Variants in CACNA1C observed in about 807,000 individuals in gnomAD.
CACNA1C encodes the protein voltage-dependent L-type calcium channel subunit alpha-1C.
Under a neutral mutation model 229.0 loss-of-function variants are expected in CACNA1C, and 30 were observed. The ratio of observed to expected loss-of-function variants is 0.13; its 90% CI spans 0.10 to 0.18. CACNA1C has a LOEUF of 0.18. Ranked by LOEUF, CACNA1C falls within the 10% of genes least tolerant of loss-of-function variation. The pLI, the probability that CACNA1C is intolerant of heterozygous loss-of-function variation, is 1.00. For missense variants in CACNA1C, 1,658 were observed against 2,845.0 expected (o/e 0.58, Z 9.49); for synonymous variants, 1,114 against 1,132.5 (o/e 0.98, Z 0.33).
Position 2,665,806 on chromosome 12 carries a change from A to G in CACNA1C, c.4526+98A>G, listed in dbSNP as rs2096059410. On this transcript the variant is annotated intron_variant, in intron 36 of 46. Coordinates refer to ENST00000399655, the MANE Select transcript of CACNA1C (RefSeq NM_000719.7). The surrounding 1 kb of genome is among the most constrained non-coding windows in gnomAD (Gnocchi z 5.9). Reference sequence around the variant, plus strand: ...CTCAAGGTTGGCCAACACTGGGTGGATCAATTAGAAACACTGGATTGTATC... The same window carrying G: ...CTCAAGGTTGGCCAACACTGGGTGGGTCAATTAGAAACACTGGATTGTATC... 5.0e-6 allele frequency: 6 copies of G among 1,208,142 alleles called. No individual in the cohort carries two copies. Among genetic ancestry groups the G allele is most frequent in the African/African-American group, 1.5e-5 (1 of 64,752 alleles). 74.8% of individuals were successfully genotyped at this position (1,208,142 alleles called of 1,614,324 possible).
At chr12:2,241,163 C>T (rs2069941866) in intron 3 of CACNA1C, among the ~76,000 whole-genome samples, 1 of 152,100 alleles carries the variant, frequency 6.6e-6, no homozygotes, top group African/African-American at 2.4e-5. Context: ...AAGCCTCCAT[C>T]CTCCCACGCA....
In CACNA1C at chr12:2,537,518, A is replaced by G. The variant is rs188665074; in HGVS notation, c.1391-12425A>G. ...TTGCTATTGCACACTCTGGGAGACA[A>G]GGCCTTAAAATCAAGGAATGGCCAT... On this transcript the variant is annotated intron_variant, in intron 9 of 46. Transcript: ENST00000399655. Among the ~76,000 whole-genome samples, 5 of 152,362 alleles carry G rather than the reference A, an allele frequency of 3.3e-5. No individual in the cohort carries two copies. In the East Asian group the frequency reaches 9.6e-4, roughly 29 times the overall value.
rs145512534 is a variant in CACNA1C at position 1,991,385 on chromosome 12, T to C, written c.139+20184T>C. 1,768 of 300,226 alleles carry C rather than the reference T, an allele frequency of 5.9e-3. 36 individuals carry two copies. The highest frequency in any genetic ancestry group is 0.036 in the African/African-American group (1,628 of 45,694). 18.6% of individuals were successfully genotyped at this position (300,226 alleles called of 1,614,324 possible). On this transcript the variant is annotated intron_variant, in intron 1 of 46. Transcript: ENST00000682462. The stretch of plus-strand genomic sequence containing the variant: ...ATTAAAATAGAACAGTGCCATTCAA[T>C]AGAAATATGAGGGGAACCACGAACG...
At chr12:2,629,111 G>C (rs1270437871) in intron 29 of CACNA1C, among the ~76,000 whole-genome samples, 1 of 152,134 alleles carries the variant, frequency 6.6e-6, no homozygotes, top group African/African-American at 2.4e-5. Flanking sequence ...CCCTCAGAAA[G>C]CTCAATCTCC....
chr12:2,314,063 C>G (rs1336679362), intron 3 of CACNA1C, among the ~76,000 whole-genome samples: 2 of 152,318 alleles, frequency 1.3e-5, no homozygotes, highest in South Asian at 4.2e-4. Flanking sequence ...ATCCTCCCCC[C>G]CACTTCTTAT....
Position 2,278,784 on chromosome 12 carries a change from T to C in CACNA1C, c.477+158354T>C, listed in dbSNP as rs565463095. Among the ~76,000 whole-genome samples the C allele has an allele frequency of 3.3e-5, 5 of 152,346 alleles. No homozygotes were observed. The South Asian group carries it at 1.0e-3, about 32-fold the overall frequency. On this transcript the variant is annotated intron_variant, in intron 3 of 46. Coordinates refer to ENST00000399655, the MANE Select transcript of CACNA1C (RefSeq NM_000719.7). Reference sequence around the variant, plus strand: ...TGGTTACATCATGTGGTAGTGTACGTTTAGTGTTTTAAGAAGTTGCCAAAC... The same window carrying C: ...TGGTTACATCATGTGGTAGTGTACGCTTAGTGTTTTAAGAAGTTGCCAAAC...
chr12:2,502,449 C>T (rs1412115658), intron 7 of CACNA1C, among the ~76,000 whole-genome samples: 3 of 152,220 alleles, frequency 2.0e-5, no homozygotes, highest in Non-Finnish European at 4.4e-5. Flanking sequence ...GTGAGAAGTG[C>T]TCTGGGAAAG....
At chr12:2,318,028 G>A (rs1354827206) in intron 3 of CACNA1C, among the ~76,000 whole-genome samples, 2 of 152,188 alleles carry the variant, frequency 1.3e-5, no homozygotes, top group African/African-American at 4.8e-5. Context: ...GACGGGGAGA[G>A]CAGGGGGCGA....
intron 3 of CACNA1C, among the ~76,000 whole-genome samples, chr12:2,196,593 A>T (rs1003783077): frequency 1.3e-5 from 2 of 152,278 alleles, no homozygotes; most frequent in Non-Finnish European, 2.9e-5. Context: ...GCCATAAATC[A>T]TAATGGAAAG....
chr12:2,452,639 A>G (rs964549624), intron 4 of CACNA1C, among the ~76,000 whole-genome samples: 1 of 152,096 alleles, frequency 6.6e-6, no homozygotes. Flanking sequence ...GAGGAGAAAT[A>G]CACCAGCCAC....
chr12:2,317,106 C>T (rs1410000383), intron 3 of CACNA1C, among the ~76,000 whole-genome samples: 1 of 152,120 alleles, frequency 6.6e-6, no homozygotes, highest in Admixed American at 6.5e-5. Context: ...TGTGGTGTTT[C>T]CTTAAAAAAT....
chr12:2,270,335 G>A (rs2084332337), intron 3 of CACNA1C, among the ~76,000 whole-genome samples: 1 of 152,204 alleles, frequency 6.6e-6, no homozygotes, highest in Non-Finnish European at 1.5e-5. Context: ...CCTTCTCTGT[G>A]AAATGTCAGC....
At chr12:2,052,458 C>G (rs2052472980), upstream of CACNA1C, among the ~76,000 whole-genome samples, 1 of 152,038 alleles carries the variant, frequency 6.6e-6, no homozygotes, top group Non-Finnish European at 1.5e-5. Context: ...AATTGTATTC[C>G]TCCTCCTTGG....
At chr12:2,309,632 A>G (rs1592339169) in intron 3 of CACNA1C, among the ~76,000 whole-genome samples, 1 of 152,264 alleles carries the variant, frequency 6.6e-6, no homozygotes, top group African/African-American at 2.4e-5. Flanking sequence ...ATACCTCAAT[A>G]AAGCTGGGTA....
intron 3 of CACNA1C, among the ~76,000 whole-genome samples, chr12:2,412,826 G>A (rs1013782276): frequency 3.3e-5 from 5 of 152,204 alleles, no homozygotes; most frequent in Admixed American, 6.5e-5. Context: ...TGTTGAGTAC[G>A]TAGCAGAGAA....
intron 18 of CACNA1C, among the ~76,000 whole-genome samples, chr12:2,586,330 C>T (rs1349034957): frequency 6.6e-6 from 1 of 152,200 alleles, no homozygotes; most frequent in Non-Finnish European, 1.5e-5. Context: ...ACAGCTGCCA[C>T]CACAGATGTC....
chr12:2,645,559 G>A (rs1304957563), intron 30 of CACNA1C, among the ~76,000 whole-genome samples: 1 of 152,180 alleles, frequency 6.6e-6, no homozygotes, highest in Non-Finnish European at 1.5e-5. Flanking sequence ...ATCTCAGCAG[G>A]GGATTCATTT....
chr12:2,315,598 C>T (rs1388318000), intron 3 of CACNA1C, among the ~76,000 whole-genome samples: 1 of 152,182 alleles, frequency 6.6e-6, no homozygotes, highest in Admixed American at 6.5e-5. Context: ...CCGTGCCTCC[C>T]ACAGAGTCCC....
At chr12:2,609,709 C>G (rs1035789922) in intron 27 of CACNA1C, among the ~76,000 whole-genome samples, 1 of 151,822 alleles carries the variant, frequency 6.6e-6, no homozygotes, top group African/African-American at 2.4e-5. Context: ...GAAGCCTGGG[C>G]AAAGTACAGA....
Sources: allele counts gnomAD v4.1 joint callset (sites outside exome capture counted in the v4.1 genomes callset), GRCh38; gene constraint gnomAD v4.1.1; non-coding constraint Gnocchi (gnomAD v3.1); transcripts MANE v1.5; gene names NCBI Gene and HGNC (gene_info 2026-07-23, HGNC 2026-07-21).